GANC: variants seen among roughly 807,000 people sequenced by gnomAD.
GANC encodes the protein glucosidase alpha, neutral C.
Under a neutral mutation model 124.2 loss-of-function variants are expected in GANC, and 117 were observed. That is an observed-to-expected ratio of 0.94 (90% CI 0.81 to 1.10). The LOEUF (loss-of-function observed/expected upper bound fraction) is 1.10. Among genes scored for constraint, GANC ranks in the 50% least tolerant of loss-of-function variants. The pLI, the probability that GANC is intolerant of heterozygous loss-of-function variation, is 0.00. For synonymous variants in GANC, 377 were observed against 376.8 expected (o/e 1.00, Z -0.01); for missense variants, 1,140 against 1,095.0 (o/e 1.04, Z -0.58).
At chr15:42,277,938 CAGTCTT>C (rs1311299132) in intron 2 of GANC, 1 of 99,528 alleles carries the variant, frequency 1.0e-5, no homozygotes, top group Non-Finnish European at 2.0e-5. Flanking sequence ...AAAAAAAAAA[CAGTCTT>C]TACGTGATCT....
rs201682807 is a variant in GANC, at chr15:42,326,372, C to T, written c.1368C>T (p.Gly456=). The T allele has an allele frequency of 3.7e-6, 6 of 1,614,120 alleles. No individual in the cohort carries two copies. Among genetic ancestry groups the T allele is most frequent in the Non-Finnish European group, 5.1e-6 (6 of 1,179,988 alleles). ...YSVYVKAKDQ[G]FFVKNQEGED... is the part of the protein sequence containing the mutation. ...TATATGTGAAGGCCAAAGATCAGGG[C>T]TTCTTTGTGAAGAATCAGGAAGGGG... The change falls in exon 12 of 24, where the codon GGC becomes GGT. Residue 456 remains glycine (G), a synonymous_variant. Transcript: ENST00000318010.
chr15:42,312,297 C>G (rs190802689), intron 10 of GANC, among the ~76,000 whole-genome samples: 1 of 152,286 alleles, frequency 6.6e-6, no homozygotes, highest in Non-Finnish European at 1.5e-5. Context: ...ATCATGAATT[C>G]CCCTGTTGTG....
intron 6 of GANC, among the ~76,000 whole-genome samples, chr15:42,301,979 C>CCCAGCACAGTGCTCGAGCTCTG (rs2051949781): frequency 2.0e-5 from 3 of 152,222 alleles, no homozygotes; most frequent in African/African-American, 7.2e-5. Context: ...CAGCGGGTCT[C>CCCAGCACAGTGCTCGAGCTCTG]CCAGCACAGT....
chr15:42,340,750 G>T lies in GANC; in HGVS notation c.2148G>T (p.Met716Ile), dbSNP rs756595629. ...LKTFDMEDEY[M>I]LGSALLVHPV... ...CTTTTGATATGGAAGATGAATACAT[G>T]CTGGGTGAGCATTTCTGTTTTTTTT... Residue 716 changes from methionine to isoleucine, a missense_variant, in exon 18 of 24, where the codon ATG (methionine) becomes ATT (isoleucine). By Grantham distance (10) the Met-to-Ile change is conservative. Transcript: ENST00000318010. The T allele has an allele frequency of 6.3e-7, 1 of 1,595,056 alleles. No individual in the cohort carries two copies. The highest frequency in any genetic ancestry group is 1.1e-5 in the South Asian group (1 of 87,932).
chr15:42,310,859 A>G lies in GANC; in HGVS notation c.1057+13A>G. 1 of 1,604,192 alleles carries G rather than the reference A, an allele frequency of 6.2e-7. No homozygotes were observed. Among genetic ancestry groups the G allele is most frequent in the Non-Finnish European group, 8.5e-7 (1 of 1,171,648 alleles). On this transcript the variant is annotated intron_variant, in intron 10 of 23. Transcript: ENST00000318010. Reference sequence around the variant, plus strand: ...TCACACCTTACAGGTATTTGCACGAAGAAGTGCCAGTTTCTTGTTCTGTTA... The same window carrying G: ...TCACACCTTACAGGTATTTGCACGAGGAAGTGCCAGTTTCTTGTTCTGTTA...
chr15:42,352,181 C>T lies in GANC; in HGVS notation c.*42C>T, dbSNP rs773501662. 3 of 1,607,410 alleles carry T rather than the reference C, an allele frequency of 1.9e-6. No individual in the cohort carries two copies. The highest frequency in any genetic ancestry group is 2.2e-5 in the East Asian group (1 of 44,736). ...GTGATGTGAGCAGGGACCTGCCTGC[C>T]CCTTTCAACCTTTCCCCTCACCTTT... On this transcript the variant is annotated 3_prime_UTR_variant, in exon 24 of 24. Coordinates refer to ENST00000318010, the MANE Select transcript of GANC (RefSeq NM_198141.3).
intron 6 of GANC, among the ~76,000 whole-genome samples, chr15:42,301,856 G>A (rs1429657257): frequency 6.6e-6 from 1 of 152,192 alleles, no homozygotes; most frequent in East Asian, 1.9e-4. Flanking sequence ...AGCCCCAATC[G>A]GGCTTATAGA....
Position 42,310,830 on chromosome 15 carries a change from G to A in GANC, c.1041G>A (p.Gln347=). The A allele has an allele frequency of 6.2e-7, 1 of 1,613,202 alleles. No homozygotes were observed. The highest frequency in any genetic ancestry group is 1.1e-5 in the South Asian group (1 of 91,060). Residue 347 remains glutamine (Q), a synonymous_variant, in exon 10 of 24, where the codon CAG becomes CAA. Transcript: ENST00000318010. ...CTACACCTTCTGATGTCTTCAAACA[G>A]TACTCACACCTTACAGGTATTTGCA... The part of the protein sequence containing the change: ...TGPTPSDVFK[Q]YSHLTGTQAM...
At chr15:42,291,110 CG>C (rs2051836601) in intron 4 of GANC, among the ~76,000 whole-genome samples, 1 of 151,876 alleles carries the variant, frequency 6.6e-6, no homozygotes, top group Non-Finnish European at 1.5e-5. Context: ...CAGTCAAACC[CG>C]GGGGAGAAGG....
At position 42,303,210 on chromosome 15, in the gene GANC, TAAAG is replaced by T. The variant is rs2051963103; in HGVS notation, c.559-3332_559-3329del. ...AGTGGGGGCCAATATTCAACATTCT[TAAAG>T]AAAATAATTTTCAATCCAGAATTTC... On this transcript the variant is annotated intron_variant, in intron 6 of 23. Transcript: ENST00000318010. Among the ~76,000 whole-genome samples the T allele has an allele frequency of 2.0e-5, 3 of 152,280 alleles. No individual in the cohort carries two copies. In the East Asian group the frequency reaches 5.8e-4, roughly 29 times the overall value.
intron 4 of GANC, among the ~76,000 whole-genome samples, chr15:42,289,705 C>T (rs1420971065): frequency 6.6e-6 from 1 of 152,100 alleles, no homozygotes; most frequent in African/African-American, 2.4e-5. Context: ...GATGTATTTA[C>T]CTATAGAGAA....
rs1390252746 is a variant in GANC, at chr15:42,345,794, G to C, written c.2266G>C (p.Gly756Arg). Residue 756 changes from glycine (G) to arginine (R), a missense_variant, in exon 20 of 24, where the codon GGA (glycine) becomes CGA (arginine). Transcript: ENST00000318010. ...YDYKTFAHWEGGCTVKIPVAL... is the reference protein window; with the variant it reads ...YDYKTFAHWERGCTVKIPVAL... ...CTATAAGACATTTGCTCATTGGGAA[G>C]GAGGGTGTACTGTAAAGATCCCAGT... The C allele has an allele frequency of 6.2e-7, 1 of 1,612,366 alleles. No homozygotes were observed. The highest frequency in any genetic ancestry group is 1.7e-5 in the Admixed American group (1 of 59,930).
Position 42,339,775 on chromosome 15 carries a change from C to T in GANC, c.1950C>T (p.Thr650=), listed in dbSNP as rs2052315317. The T allele has an allele frequency of 6.2e-7, 1 of 1,614,158 alleles. No homozygotes were observed. The highest frequency in any genetic ancestry group is 8.5e-7 in the Non-Finnish European group (1 of 1,180,020). ...TCCGTGGCCATGCCACCATGAACACCAAGCGACGAGAGCCCTGGCTCTTTG... is the reference window on the plus strand; with the variant it reads ...TCCGTGGCCATGCCACCATGAACACTAAGCGACGAGAGCCCTGGCTCTTTG... ...PFFRGHATMN[T]KRREPWLFGE... Residue 650 remains threonine, a synonymous_variant, in exon 17 of 24, where the codon ACC becomes ACT. Coordinates refer to ENST00000318010, the MANE Select transcript of GANC (RefSeq NM_198141.3).
intron 23 of GANC, 148 bp from the exon 24 acceptor site, chr15:42,351,882 A>T: frequency 1.0e-6 from 1 of 990,704 alleles, no homozygotes; most frequent in Non-Finnish European, 1.4e-6. Flanking sequence ...CTAAAACTTC[A>T]TGGAAGTTCA....
At chr15:42,303,946 C>G (rs559882306) in intron 6 of GANC, among the ~76,000 whole-genome samples, 1 of 152,030 alleles carries the variant, frequency 6.6e-6, no homozygotes, top group Non-Finnish European at 1.5e-5. Context: ...GACAGATTAA[C>G]GAGACAGAAA....
At chr15:42,323,575 T>A (rs980417105) in intron 11 of GANC, among the ~76,000 whole-genome samples, 2 of 152,116 alleles carry the variant, frequency 1.3e-5, no homozygotes, top group African/African-American at 4.8e-5. Context: ...CGATCTCAGC[T>A]CATTGCATCC....
intron 18 of GANC, among the ~76,000 whole-genome samples, chr15:42,342,032 CT>C (rs2052332244): frequency 6.6e-6 from 1 of 152,054 alleles, no homozygotes; most frequent in Non-Finnish European, 1.5e-5. Flanking sequence ...AATTTGGTCT[CT>C]TTTGGTATTT....
chr15:42,284,423 C>T (rs767296008), intron 3 of GANC: 1 of 162,084 alleles, frequency 6.2e-6, no homozygotes, highest in Non-Finnish European at 1.3e-5. Flanking sequence ...GATAACAAAC[C>T]ACCAAGTTTT....
Position 42,352,899 on chromosome 15 carries a change from G to C in GANC, c.*760G>C, listed in dbSNP as rs1423150800. 2.1e-6 allele frequency: 1 copy of C among 466,120 alleles called. No homozygotes were observed. The highest frequency in any genetic ancestry group is 2.8e-6 in the Non-Finnish European group (1 of 355,436). 28.9% of individuals were successfully genotyped at this position (466,120 alleles called of 1,614,324 possible). A position where few individuals can be genotyped will look rare whatever the true frequency, so the allele number is the denominator to read the frequency against. On this transcript the variant is annotated 3_prime_UTR_variant, in exon 24 of 24. Transcript: ENST00000318010. Reference sequence around the variant, plus strand: ...GACTTCAGAAGTAGAACTCATGACTGGGACTAGGATGAGGCAAGGGAGACC... The same window carrying C: ...GACTTCAGAAGTAGAACTCATGACTCGGACTAGGATGAGGCAAGGGAGACC...
Sources: gnomAD v4.1 joint callset for allele counts (sites outside exome capture counted in the v4.1 genomes callset) on GRCh38, gnomAD v4.1.1 for gene constraint, MANE v1.5 for transcripts, NCBI Gene and HGNC (gene_info 2026-07-23, HGNC 2026-07-21) for gene names.